CEP126: variants seen among roughly 807,000 people sequenced by gnomAD.
CEP126 encodes centrosomal protein of 126 kDa.
Under a neutral mutation model 107.8 loss-of-function variants are expected in CEP126, and 74 were observed. The ratio of observed to expected loss-of-function variants is 0.69; its 90% CI spans 0.57 to 0.83. The LOEUF (loss-of-function observed/expected upper bound fraction) is 0.83, where lower values mean the gene tolerates loss of function less well. Ranked by LOEUF, CEP126 falls within the 40% of genes least tolerant of loss-of-function variation. The probability of loss-of-function intolerance (pLI) is 0.00; values close to 1 mark genes in which losing one functional copy is unlikely to be tolerated. For synonymous variants in CEP126, 449 were observed against 446.0 expected (o/e 1.01, Z -0.08); for missense variants, 1,237 against 1,281.9 (o/e 0.96, Z 0.53).
At chr11:101,933,153 C>A (rs1476860295) in intron 2 of CEP126, among the ~76,000 whole-genome samples, 2 of 152,174 alleles carry the variant, frequency 1.3e-5, no homozygotes, top group African/African-American at 4.8e-5. Context: ...TTCCACAATG[C>A]TACTGCATGC....
In CEP126 at chr11:101,992,796, G is replaced by C; in HGVS notation, c.3263G>C (p.Cys1088Ser). ...ERLHYIQESI[C>S]KNPSIKNTLQ... Reference sequence around the variant, plus strand: ...ATTTCAGATATACAAGAATCCATTTGCAAAAACCCATCCATCAAAAATACT... The same window carrying C: ...ATTTCAGATATACAAGAATCCATTTCCAAAAACCCATCCATCAAAAATACT... The change falls in exon 10 of 11, where the codon TGC becomes TCC. Residue 1088 changes from cysteine (C) to serine (S), a missense_variant. By Grantham distance (112) the Cys-to-Ser change is moderately radical. This residue lies in a region of CEP126 where 99 missense variants were observed against 114.4 expected (regional missense o/e 0.87). Transcript: ENST00000263468. 1 of 1,514,508 alleles carries C rather than the reference G, an allele frequency of 6.6e-7. No homozygotes were observed. The highest frequency in any genetic ancestry group is 8.9e-7 in the Non-Finnish European group (1 of 1,122,554). 93.8% of individuals were successfully genotyped at this position (1,514,508 alleles called of 1,614,324 possible). A position where few individuals can be genotyped will look rare whatever the true frequency, so the allele number is the denominator to read the frequency against.
At chr11:101,942,958 T>C (rs184305286) in intron 2 of CEP126, among the ~76,000 whole-genome samples, 2 of 152,242 alleles carry the variant, frequency 1.3e-5, no homozygotes, top group Non-Finnish European at 2.9e-5. Context: ...GTTGATTTTG[T>C]ATCCTGCAAC....
rs145606538 is a variant in CEP126, at chr11:101,915,297, A to T, written c.13A>T (p.Arg5Trp). Residue 5 changes from arginine (R) to tryptophan (W), a missense_variant, in exon 1 of 11, where the codon AGG becomes TGG. By Grantham distance (101) the Arg-to-Trp change is moderately radical. Coordinates refer to ENST00000263468, the MANE Select transcript of CEP126 (RefSeq NM_020802.4). ...GCTGAAGTGAAGGATGCTGGCGGGG[A>T]GGCCCGGAACCCGGAGCGCGGTCGG... Reference protein sequence around the residue: MLAGRPGTRSAVGEL... With the variant: MLAGWPGTRSAVGEL... 349 of 1,613,286 alleles carry T rather than the reference A, an allele frequency of 2.2e-4. No individual in the cohort carries two copies. The highest frequency in any genetic ancestry group is 2.6e-4 in the Non-Finnish European group (311 of 1,179,864).
Position 101,921,450 on chromosome 11 carries a change from T to TA in CEP126, c.129-1189dup, listed in dbSNP as rs201530996. Reference sequence around the variant, plus strand: ...GGCCAAGCACGGTGGCTCACGCCTGTAATCACACCACTATGGGAGGCCGAG... The same window carrying TA: ...GGCCAAGCACGGTGGCTCACGCCTGTAAATCACACCACTATGGGAGGCCGAG... On this transcript the variant is annotated intron_variant, in intron 1 of 10. Transcript: ENST00000263468. Among the ~76,000 whole-genome samples the TA allele has an allele frequency of 6.3e-4, 96 of 152,194 alleles. 1 individual carries two copies. The East Asian group carries it at 0.01, about 16-fold the overall frequency.
intron 2 of CEP126, among the ~76,000 whole-genome samples, chr11:101,928,962 A>C (rs1485567682): frequency 6.6e-6 from 1 of 152,194 alleles, no homozygotes; most frequent in Non-Finnish European, 1.5e-5. Context: ...CCTGTATATC[A>C]ATGTGGGATG....
intron 2 of CEP126, among the ~76,000 whole-genome samples, chr11:101,936,590 C>T (rs1036665020): frequency 6.6e-6 from 1 of 152,082 alleles, no homozygotes; most frequent in East Asian, 1.9e-4. Context: ...TCTAGGACTT[C>T]CAGTGCAAAT....
intron 2 of CEP126, among the ~76,000 whole-genome samples, chr11:101,943,510 T>A (rs893589953): frequency 6.6e-6 from 1 of 151,602 alleles, no homozygotes; most frequent in African/African-American, 2.4e-5. Flanking sequence ...TTTCTTTTTT[T>A]TTTTTTCATT....
At chr11:101,934,153 C>G (rs1178891589) in intron 2 of CEP126, among the ~76,000 whole-genome samples, 4 of 152,022 alleles carry the variant, frequency 2.6e-5, no homozygotes, top group Non-Finnish European at 1.5e-5. Flanking sequence ...TACTGCTTAT[C>G]CCTACTTTTC....
rs751097181 is a variant in CEP126 at position 101,962,753 on chromosome 11, G to A, written c.1718G>A (p.Arg573Lys). Residue 573 changes from arginine (R) to lysine (K), a missense_variant, in exon 6 of 11, where the codon AGA becomes AAA. Around this residue, in one of 3 missense-constraint regions of CEP126, gnomAD observed 1,134 missense variants for 1,150.5 expected, o/e 0.99. Transcript: ENST00000263468. Reference sequence around the variant, plus strand: ...AACATCCATGAGAGAAATGGTGTGAGATTTCTTAAAAGTATTTTAAAGAAA... The same window carrying A: ...AACATCCATGAGAGAAATGGTGTGAAATTTCTTAAAAGTATTTTAAAGAAA... ...KYNIHERNGVRFLKSILKKES... is the reference protein window; with the variant it reads ...KYNIHERNGVKFLKSILKKES... 6.2e-7 allele frequency: 1 copy of A among 1,608,930 alleles called. No homozygotes were observed. Among genetic ancestry groups the A allele is most frequent in the Non-Finnish European group, 8.5e-7 (1 of 1,178,664 alleles).
At chr11:101,932,125 T>G (rs1344232034) in intron 2 of CEP126, among the ~76,000 whole-genome samples, 3 of 152,262 alleles carry the variant, frequency 2.0e-5, no homozygotes, top group Non-Finnish European at 2.9e-5. Flanking sequence ...TTTCTCATTT[T>G]TATTGCCATT....
chr11:101,982,245 C>T (rs1941264930), intron 8 of CEP126, among the ~76,000 whole-genome samples: 1 of 152,018 alleles, frequency 6.6e-6, no homozygotes, highest in Admixed American at 6.6e-5. Context: ...GTAAATGCCA[C>T]CCAGTAAATA....
intron 8 of CEP126, among the ~76,000 whole-genome samples, chr11:101,983,635 A>G (rs1941282635): frequency 6.6e-6 from 1 of 152,234 alleles, no homozygotes; most frequent in Admixed American, 6.5e-5. Flanking sequence ...AATTCATTGA[A>G]GAGTTTGCCA....
chr11:101,939,254 A>C (rs117822159), intron 2 of CEP126, among the ~76,000 whole-genome samples: 15 of 152,128 alleles, frequency 9.9e-5, no homozygotes, highest in African/African-American at 3.6e-4. Context: ...TTGAAGGTCT[A>C]TTATTGGGTT....
At chr11:101,937,718 C>G (rs113786246) in intron 2 of CEP126, among the ~76,000 whole-genome samples, 1 of 151,954 alleles carries the variant, frequency 6.6e-6, no homozygotes, top group South Asian at 2.1e-4. Context: ...CTCTTTTAAA[C>G]GTTTGACAAA....
chr11:101,924,626 C>A (rs976173404), intron 2 of CEP126, among the ~76,000 whole-genome samples: 1 of 152,086 alleles, frequency 6.6e-6, no homozygotes, highest in East Asian at 1.9e-4. Context: ...CCCCCGTGCC[C>A]GGCTAATTTT....
chr11:101,928,871 G>A (rs1368333566), intron 2 of CEP126, among the ~76,000 whole-genome samples: 3 of 151,980 alleles, frequency 2.0e-5, no homozygotes, highest in African/African-American at 7.3e-5. Flanking sequence ...TCTAATCTTT[G>A]CCTTTGAATA....
intron 2 of CEP126, 102 bp downstream of exon 2, chr11:101,922,862 G>C (rs1220914852): frequency 2.3e-6 from 2 of 878,968 alleles, no homozygotes; most frequent in African/African-American, 3.4e-5. Context: ...TCATGGCAGT[G>C]TTATCTGTGA....
intron 2 of CEP126, among the ~76,000 whole-genome samples, chr11:101,939,693 GT>G (rs1940639034): frequency 6.6e-6 from 1 of 152,176 alleles, no homozygotes; most frequent in African/African-American, 2.4e-5. Context: ...GTTTTCACAA[GT>G]GTCTGCCATG....
At chr11:101,935,782 G>A (rs561766004) in intron 2 of CEP126, among the ~76,000 whole-genome samples, 77 of 152,014 alleles carry the variant, frequency 5.1e-4, no homozygotes, top group Non-Finnish European at 8.8e-4. Context: ...TTATTATAGG[G>A]GAACTACCAT....
Sources: gnomAD v4.1 joint callset for allele counts (sites outside exome capture counted in the v4.1 genomes callset) on GRCh38, gnomAD v4.1.1 for gene constraint, gnomAD v4.1.1 regional missense constraint, MANE v1.5 for transcripts, NCBI Gene and HGNC (gene_info 2026-07-23, HGNC 2026-07-21) for gene names.